The following ARHGAP35 variants were observed in gnomAD, a reference collection of about 807,000 sequenced individuals.
The protein encoded by ARHGAP35 is rho GTPase-activating protein 35.
ARHGAP35 carries 15 observed loss-of-function variants against 111.1 expected under a neutral mutation model. The observed-to-expected ratio is 0.13, with a 90% CI of 0.09 to 0.21. ARHGAP35 has a LOEUF of 0.21. Ranked by LOEUF, ARHGAP35 falls within the 10% of genes least tolerant of loss-of-function variation. The pLI is 1.00. For missense variants in ARHGAP35, 1,262 were observed against 1,873.0 expected (o/e 0.67, Z 6.02); for synonymous variants, 643 against 710.3 (o/e 0.91, Z 1.51).
intron 2 of ARHGAP35, among the ~76,000 whole-genome samples, chr19:46,928,651 G>A (rs1377466604): frequency 6.6e-6 from 1 of 152,026 alleles, no homozygotes; most frequent in Non-Finnish European, 1.5e-5. Flanking sequence ...TATGGTCTGC[G>A]CTGGGCGCGG....
At chr19:46,866,003 G>A (rs2055854323) in intron 1 of ARHGAP35, among the ~76,000 whole-genome samples, 1 of 152,046 alleles carries the variant, frequency 6.6e-6, no homozygotes, top group Admixed American at 6.6e-5. Flanking sequence ...ACCACGCCAG[G>A]TTAATTTTTG....
At chr19:46,976,254 C>T (rs1003651308) in intron 3 of ARHGAP35, among the ~76,000 whole-genome samples, 2 of 149,660 alleles carry the variant, frequency 1.3e-5, no homozygotes, top group African/African-American at 2.5e-5. Context: ...ACCACCCTCC[C>T]GTTTTTCTGC....
chr19:46,982,013 G>A (rs1252113845), intron 3 of ARHGAP35, among the ~76,000 whole-genome samples: 1 of 152,054 alleles, frequency 6.6e-6, no homozygotes, highest in Non-Finnish European at 1.5e-5. Context: ...CACCATGCCT[G>A]GCTAATTTTT....
intron 1 of ARHGAP35, among the ~76,000 whole-genome samples, chr19:46,876,733 C>G (rs1302114477): frequency 6.6e-6 from 1 of 151,592 alleles, no homozygotes; most frequent in Admixed American, 6.6e-5. Context: ...GTCTTGAACT[C>G]TAGACTCAAG....
chr19:46,864,606 T>C (rs1389878122), intron 1 of ARHGAP35, among the ~76,000 whole-genome samples: 1 of 152,234 alleles, frequency 6.6e-6, no homozygotes, highest in African/African-American at 2.4e-5. Flanking sequence ...TCATCAAATA[T>C]TAGGGCATTT....
chr19:46,878,696 A>G (rs1420926645), intron 1 of ARHGAP35, among the ~76,000 whole-genome samples: 1 of 152,048 alleles, frequency 6.6e-6, no homozygotes, highest in Admixed American at 6.6e-5. Context: ...CCTGGAGTGC[A>G]GTGGTGTGGT....
intron 3 of ARHGAP35, among the ~76,000 whole-genome samples, chr19:46,981,992 T>A (rs1170630019): frequency 6.6e-6 from 1 of 152,166 alleles, no homozygotes. Flanking sequence ...TAGCTGAGAC[T>A]ACAAGCATGA....
chr19:46,959,180 G>C (rs148827993), intron 3 of ARHGAP35, among the ~76,000 whole-genome samples: 2 of 151,858 alleles, frequency 1.3e-5, no homozygotes, highest in African/African-American at 4.8e-5. Flanking sequence ...TCCTGGGCTC[G>C]GGTGATTCTC....
chr19:46,932,123 A>C (rs2056276332), intron 2 of ARHGAP35, among the ~76,000 whole-genome samples: 1 of 152,184 alleles, frequency 6.6e-6, no homozygotes, highest in African/African-American at 2.4e-5. Flanking sequence ...CTTTACTAAA[A>C]ATACAAAAAC....
rs1009074548 is a variant in ARHGAP35 at position 46,992,417 on chromosome 19, A to C, written c.4036+2742A>C. 6.6e-6 allele frequency among the ~76,000 whole-genome samples: 1 copy of C among 152,170 alleles called. No individual in the cohort carries two copies. Among genetic ancestry groups the C allele is most frequent in the Non-Finnish European group, 1.5e-5 (1 of 68,022 alleles). ...GAAGGCGCGAGGAAGAGGGCTTCAC[A>C]GGGGAGATGGGCCAGGGTTTCAGGA... is the stretch of plus-strand genomic sequence containing the variant. On this transcript the variant is annotated intron_variant, in intron 5 of 6. Transcript: ENST00000672722. The surrounding 1 kb of genome is among the most constrained non-coding windows in gnomAD (Gnocchi z 4.4).
At position 46,908,073 on chromosome 19, in the gene ARHGAP35, C is replaced by G. The variant is rs1194276425; in HGVS notation, c.-188-10415C>G. Among the ~76,000 whole-genome samples the G allele has an allele frequency of 6.6e-6, 1 of 152,192 alleles. No homozygotes were observed. The highest frequency in any genetic ancestry group is 1.5e-5 in the Non-Finnish European group (1 of 68,032). On this transcript the variant is annotated intron_variant, in intron 1 of 6. Transcript: ENST00000672722. The surrounding 1 kb of genome is among the most constrained non-coding windows in gnomAD (Gnocchi z 4.2). ...GACAGAAATGCCTGTTTCTTCAGCACTGTCCTTTGTTGGCAAGGCACATTT... is the reference window on the plus strand; with the variant it reads ...GACAGAAATGCCTGTTTCTTCAGCAGTGTCCTTTGTTGGCAAGGCACATTT...
intron 5 of ARHGAP35, among the ~76,000 whole-genome samples, chr19:46,998,066 C>T (rs930816119): frequency 3.3e-5 from 5 of 151,656 alleles, no homozygotes; most frequent in African/African-American, 1.2e-4. Flanking sequence ...CGCACCACTG[C>T]ACTCCAGCCT....
chr19:46,904,153 G>A (rs992648528), intron 1 of ARHGAP35, among the ~76,000 whole-genome samples: 8 of 152,078 alleles, frequency 5.3e-5, no homozygotes, highest in South Asian at 2.1e-4. Context: ...GGAAGTGGGC[G>A]CAAAGCCTTT....
At chr19:46,962,487 T>G (rs1243389986) in intron 3 of ARHGAP35, among the ~76,000 whole-genome samples, 1 of 152,240 alleles carries the variant, frequency 6.6e-6, no homozygotes, top group Non-Finnish European at 1.5e-5. Context: ...TTATAGCTTA[T>G]GCTCTTGTGT....
chr19:46,973,736 C>T (rs1308817492), intron 3 of ARHGAP35, among the ~76,000 whole-genome samples: 1 of 150,242 alleles, frequency 6.7e-6, no homozygotes, highest in Non-Finnish European at 1.5e-5. Flanking sequence ...GTCTGTAATC[C>T]CAGCACTTTG....
chr19:46,896,430 A>G (rs1043988109), intron 1 of ARHGAP35, among the ~76,000 whole-genome samples: 21 of 152,254 alleles, frequency 1.4e-4, no homozygotes, highest in Non-Finnish European at 5.9e-5. Flanking sequence ...TTTGAGCAGC[A>G]TAAGGTACAT....
intron 3 of ARHGAP35, among the ~76,000 whole-genome samples, chr19:46,975,995 T>C (rs2056577660): frequency 6.6e-6 from 1 of 152,236 alleles, no homozygotes; most frequent in Non-Finnish European, 1.5e-5. Context: ...GGTACGGTTA[T>C]AGCTTGAATA....
intron 1 of ARHGAP35, among the ~76,000 whole-genome samples, chr19:46,879,587 A>AAATAAAT (rs2055946961): frequency 1.1e-5 from 1 of 87,678 alleles, no homozygotes; most frequent in African/African-American, 4.4e-5. Flanking sequence ...ACTCCATCTC[A>AAATAAAT]AAATAAATAA....
intron 3 of ARHGAP35, among the ~76,000 whole-genome samples, chr19:46,942,129 G>A (rs909154770): frequency 6.6e-5 from 10 of 152,096 alleles, no homozygotes; most frequent in South Asian, 2.1e-4. Context: ...TAAAATTAAA[G>A]CAAGTTCATT....
Sources: gnomAD v4.1 joint callset for allele counts (sites outside exome capture counted in the v4.1 genomes callset) on GRCh38, gnomAD v4.1.1 for gene constraint, Gnocchi (gnomAD v3.1) non-coding constraint, MANE v1.5 for transcripts, NCBI Gene and HGNC (gene_info 2026-07-23, HGNC 2026-07-21) for gene names.